The following F11 variants were observed in gnomAD, a reference collection of about 807,000 sequenced individuals.
F11 encodes the protein coagualtion factor XI.
In F11, 78 loss-of-function variants were observed where a neutral mutation model predicts 76.5. The ratio of observed to expected loss-of-function variants is 1.02; its 90% CI spans 0.85 to 1.23. The LOEUF (loss-of-function observed/expected upper bound fraction) is 1.23, where lower values mean the gene tolerates loss of function less well. Among genes scored for constraint, F11 ranks in the 50% most tolerant of loss-of-function variants. F11 has a pLI of 0.00. For missense variants in F11, 742 were observed against 771.4 expected, an observed-to-expected ratio of 0.96 and a Z score of 0.45; for synonymous variants, 278 against 276.3, an observed-to-expected ratio of 1.01 and a Z score of -0.06.
intron 5 of F11, among the ~76,000 whole-genome samples, chr4:186,275,510 A>G (rs1740295350): frequency 6.6e-6 from 1 of 152,156 alleles, no homozygotes; most frequent in African/African-American, 2.4e-5. Context: ...AAAAAAAACA[A>G]AAAATGAGAA....
At chr4:186,269,016 C>T (rs1013287308) in intron 2 of F11, among the ~76,000 whole-genome samples, 1 of 152,106 alleles carries the variant, frequency 6.6e-6, no homozygotes, top group Admixed American at 6.6e-5. Context: ...TCAGGGTAAT[C>T]TTGACACCAA....
chr4:186,280,317 G>C lies in F11; in HGVS notation c.960G>C (p.Leu320=). The part of the protein sequence containing the change: ...AAKSHEACQK[L]CTNAVRCQFF... The stretch of plus-strand genomic sequence containing the variant: ...AAAGTCACGAGGCCTGCCAGAAACT[G>C]TGCACCAATGCCGTCCGCTGCCAGT... The change falls in exon 9 of 15, where the codon CTG becomes CTC. Residue 320 remains leucine, a synonymous_variant. Coordinates refer to ENST00000403665, the MANE Select transcript of F11 (RefSeq NM_000128.4). 1 of 1,614,022 alleles carries C rather than the reference G, an allele frequency of 6.2e-7. No individual in the cohort carries two copies. Among genetic ancestry groups the C allele is most frequent in the East Asian group, 2.2e-5 (1 of 44,900 alleles).
chr4:186,267,199 G>A lies in F11; in HGVS notation c.55+8G>A, dbSNP rs1314103055. On this transcript the variant is annotated splice_region_variant and intron_variant, in intron 2 of 14. Transcript: ENST00000403665. ...TTACTTCAGTTTCTGGTGGTAAGTA[G>A]AGTGTTATCTTAACTATGGGCTGGG... The A allele has an allele frequency of 6.6e-7, 1 of 1,519,942 alleles. No homozygotes were observed. Among genetic ancestry groups the A allele is most frequent in the Non-Finnish European group, 9.1e-7 (1 of 1,094,058 alleles). The allele number at this position is 1,519,942 out of a possible 1,614,324, so 94.2% of individuals were successfully genotyped here.
chr4:186,287,859 A>G (rs1007443363), intron 14 of F11, 36 bp downstream of exon 14: 11 of 1,601,880 alleles, frequency 6.9e-6, no homozygotes, highest in African/African-American at 1.3e-5. Flanking sequence ...AATATATGCA[A>G]ATTGGAATGC....
rs796615398 is a variant in F11, at chr4:186,286,493, G to T, written c.1559G>T (p.Gly520Val). ...IYTDCWVTGWGYRKLRDKIQN... is the reference protein window; with the variant it reads ...IYTDCWVTGWVYRKLRDKIQN... ...ACTGATTGCTGGGTGACTGGATGGGGGTACAGAAAACTAAGAGGTAAAAAT... is the reference window on the plus strand; with the variant it reads ...ACTGATTGCTGGGTGACTGGATGGGTGTACAGAAAACTAAGAGGTAAAAAT... Residue 520 changes from glycine (G) to valine (V), a missense_variant, in exon 13 of 15, where the codon GGG becomes GTG. Transcript: ENST00000403665. 1 of 1,613,774 alleles carries T rather than the reference G, an allele frequency of 6.2e-7. No homozygotes were observed. The highest frequency in any genetic ancestry group is 1.7e-5 in the Admixed American group (1 of 59,992).
rs1204862753 is a variant in F11 at position 186,273,051 on chromosome 4, T to C, written c.219-20T>C. On this transcript the variant is annotated intron_variant, in intron 3 of 14. Coordinates refer to ENST00000403665, the MANE Select transcript of F11 (RefSeq NM_000128.4). ...AAACATAAATTCCTATTCATTAATA[T>C]GTATTTTTTAAAAAAACAGGTTTAC... 2.0e-6 allele frequency: 3 copies of C among 1,464,424 alleles called. No individual in the cohort carries two copies. The highest frequency in any genetic ancestry group is 2.9e-6 in the Non-Finnish European group (3 of 1,048,234). 90.7% of individuals were successfully genotyped at this position (1,464,424 alleles called of 1,614,324 possible). A position where few individuals can be genotyped will look rare whatever the true frequency, so the allele number is the denominator to read the frequency against.
chr4:186,270,382 A>G (rs756959990), intron 2 of F11, among the ~76,000 whole-genome samples: 6 of 152,142 alleles, frequency 3.9e-5, no homozygotes, highest in Non-Finnish European at 8.8e-5. Flanking sequence ...TTTTTTTCCA[A>G]AATTGTTTTC....
intron 2 of F11, among the ~76,000 whole-genome samples, chr4:186,270,732 C>T (rs1268241343): frequency 2.6e-5 from 4 of 152,028 alleles, no homozygotes; most frequent in East Asian, 3.9e-4. Context: ...CTTGCTCTGT[C>T]GCCCAGGCTG....
At chr4:186,274,525 C>T (rs942504567) in intron 5 of F11, 44 of 516,200 alleles carry the variant, frequency 8.5e-5, no homozygotes, top group South Asian at 1.5e-4. Flanking sequence ...ATTTCAAAAG[C>T]GCTACACTTT....
Position 186,274,243 on chromosome 4 carries a change from C to A in F11, c.453C>A (p.Tyr151Ter). The change falls in exon 5 of 15, where the codon TAC (tyrosine) becomes TAA (stop). Residue 151 changes from tyrosine to a stop codon, truncating the protein, a stop_gained. Coordinates refer to ENST00000403665, the MANE Select transcript of F11 (RefSeq NM_000128.4). LOFTEE classifies it high-confidence loss of function. ...ACGTCCACTGCCACTTTTTCACGTA[C>A]GCCACAAGGCAGTTTCCCAGCCTGG... is the stretch of plus-strand genomic sequence containing the variant. ...TDDVHCHFFTYATRQFPSLEH... is the reference protein window; with the variant it reads ...TDDVHCHFFT The A allele has an allele frequency of 6.2e-7, 1 of 1,614,186 alleles. No individual in the cohort carries two copies.
At chr4:186,286,281 T>C (rs1306294627) in intron 12 of F11, 134 bp from the exon 13 acceptor site, 18 of 867,094 alleles carry the variant, frequency 2.1e-5, no homozygotes, top group African/African-American at 3.3e-5. Flanking sequence ...GGGAGGAAAA[T>C]ACACGACAAC....
intron 11 of F11, 33 bp downstream of exon 11, chr4:186,284,293 T>G: frequency 6.6e-7 from 1 of 1,523,252 alleles, no homozygotes; most frequent in Non-Finnish European, 9.1e-7. Flanking sequence ...TTAGTTCATC[T>G]TCTTCACACA....
rs755345629 is a variant in F11 at position 186,280,061 on chromosome 4, A to C, written c.805A>C (p.Ile269Leu). 1.4e-5 allele frequency: 23 copies of C among 1,614,188 alleles called. No individual in the cohort carries two copies. The highest frequency in any genetic ancestry group is 1.9e-5 in the Non-Finnish European group (23 of 1,180,030). The change falls in exon 8 of 15, where the codon ATT becomes CTT. Residue 269 changes from isoleucine (I) to leucine (L), a missense_variant. Physicochemically the swap from Ile to Leu is conservative, Grantham distance 5. Coordinates refer to ENST00000403665, the MANE Select transcript of F11 (RefSeq NM_000128.4). ...TSESGLPSTR[I>L]KKSKALSGFS... ...TGAGAGTGGATTGCCCAGTACACGC[A>C]TTAAAAAGAGCAAAGCTCTTTCTGG...
In F11 at chr4:186,287,749, A is replaced by G; in HGVS notation, c.1642A>G (p.Arg548Gly). The change falls in exon 14 of 15, where the codon AGA becomes GGA. Residue 548 changes from arginine (R) to glycine (G), a missense_variant. Coordinates refer to ENST00000403665, the MANE Select transcript of F11 (RefSeq NM_000128.4). ...AGTGACCAACGAAGAGTGCCAGAAG[A>G]GATACAGAGGACATAAAATAACCCA... is the stretch of plus-strand genomic sequence containing the variant. ...PLVTNEECQK[R>G]YRGHKITHKM... The G allele has an allele frequency of 6.2e-7, 1 of 1,613,798 alleles. No individual in the cohort carries two copies. The highest frequency in any genetic ancestry group is 8.5e-7 in the Non-Finnish European group (1 of 1,179,862).
intron 10 of F11, chr4:186,282,719 G>C: frequency 1.0e-6 from 1 of 985,170 alleles, no homozygotes; most frequent in Non-Finnish European, 1.2e-6. Context: ...AGAATAGATG[G>C]CCCTCCAAAA....
chr4:186,273,665 C>G (rs1740150635), intron 4 of F11, among the ~76,000 whole-genome samples: 1 of 152,142 alleles, frequency 6.6e-6, no homozygotes, highest in Non-Finnish European at 1.5e-5. Flanking sequence ...ATTGCCCAGG[C>G]TGGTCTCAAA....
chr4:186,278,046 G>T (rs913817430), intron 7 of F11, among the ~76,000 whole-genome samples: 1 of 152,160 alleles, frequency 6.6e-6, no homozygotes, highest in Non-Finnish European at 1.5e-5. Context: ...CAATCCACCT[G>T]CCTTGGTCTC....
chr4:186,266,780 G>A (rs192196903), intron 1 of F11, among the ~76,000 whole-genome samples: 1 of 152,232 alleles, frequency 6.6e-6, no homozygotes, highest in South Asian at 2.1e-4. Flanking sequence ...AAAAAAATTG[G>A]GAAAGGAAAC....
intron 2 of F11, among the ~76,000 whole-genome samples, chr4:186,267,829 A>G (rs1426447701): frequency 1.3e-5 from 2 of 152,240 alleles, no homozygotes; most frequent in African/African-American, 2.4e-5. Context: ...TTTTAAGCAT[A>G]GTAAATTCTT....
Sources: gnomAD v4.1 joint callset for allele counts (sites outside exome capture counted in the v4.1 genomes callset) on GRCh38, gnomAD v4.1.1 for gene constraint, MANE v1.5 for transcripts, NCBI Gene and HGNC (gene_info 2026-07-23, HGNC 2026-07-21) for gene names.